COL23A1: variants seen among roughly 807,000 people sequenced by gnomAD.
COL23A1 encodes collagen type XXIII alpha 1 chain.
A neutral mutation model predicts 99.3 loss-of-function variants in COL23A1; 97 were observed. The ratio of observed to expected loss-of-function variants is 0.98; its 90% CI spans 0.83 to 1.16. The LOEUF is 1.16. COL23A1 is among the 50% of genes most tolerant of loss of function. The pLI, the probability that COL23A1 is intolerant of heterozygous loss-of-function variation, is 0.00. For synonymous variants in COL23A1, 320 were observed against 308.2 expected (o/e 1.04, Z -0.40); for missense variants, 762 against 757.4 (o/e 1.01, Z -0.07).
At chr5:178,328,234 C>CTG (rs1273212013) in intron 2 of COL23A1, among the ~76,000 whole-genome samples, 2 of 152,200 alleles carry the variant, frequency 1.3e-5, no homozygotes, top group Admixed American at 1.3e-4. Flanking sequence ...ACTGAATTTC[C>CTG]TGTTCCTCAT....
Position 178,590,113 on chromosome 5 carries a change from T to A in COL23A1, c.85A>T (p.Thr29Ser). The change falls in exon 1 of 29, where the codon ACG becomes TCG. Residue 29 changes from threonine (T) to serine (S), a missense_variant. By Grantham distance (58) the Thr-to-Ser change is moderately conservative. Coordinates refer to ENST00000390654, the MANE Select transcript of COL23A1 (RefSeq NM_173465.4). This position sits in a 1 kb window ranked among gnomAD's most constrained non-coding sequence, Gnocchi z 5.7. ...AGGGGGGRSA[T>S]TAGSRAVSAL... ...CTCACCGCCCGGGACCCGGCCGTCG[T>A]CGCCGAGCGCCCTCCGCCGCCGCCG... 8.0e-7 allele frequency: 1 copy of A among 1,252,348 alleles called. No homozygotes were observed. The highest frequency in any genetic ancestry group is 1.0e-6 in the Non-Finnish European group (1 of 1,000,154). 77.6% of individuals were successfully genotyped at this position (1,252,348 alleles called of 1,614,324 possible).
intron 2 of COL23A1, among the ~76,000 whole-genome samples, chr5:178,528,681 G>A (rs955188090): frequency 2.6e-5 from 4 of 152,296 alleles, no homozygotes; most frequent in Admixed American, 6.5e-5. Flanking sequence ...ATAGTGGCAC[G>A]TGCCTGTAAT....
chr5:178,261,633 TG>T (rs1561801479), intron 11 of COL23A1, 88 bp downstream of exon 11: 10 of 840,382 alleles, frequency 1.2e-5, no homozygotes, highest in South Asian at 2.8e-5. Context: ...TCACTAGGGG[TG>T]GGGGGAAGAG....
chr5:178,305,810 T>C (rs1341009788), intron 3 of COL23A1, among the ~76,000 whole-genome samples: 1 of 151,636 alleles, frequency 6.6e-6, no homozygotes, highest in Non-Finnish European at 1.5e-5. Context: ...GAAGAGGACA[T>C]GGGTCCGAGA....
chr5:178,384,704 C>T lies in COL23A1; in HGVS notation c.362-77785G>A, dbSNP rs1175995681. Among the ~76,000 whole-genome samples, 1 of 152,184 alleles carries T rather than the reference C, an allele frequency of 6.6e-6. No homozygotes were observed. Among genetic ancestry groups the T allele is most frequent in the Non-Finnish European group, 1.5e-5 (1 of 68,032 alleles). ...AGCCAGAAGCCTCCTGGGGGCCTCA[C>T]CCACTGAATCAGAGTGCGCGCTCAC... On this transcript the variant is annotated intron_variant, in intron 2 of 28. Coordinates refer to ENST00000390654, the MANE Select transcript of COL23A1 (RefSeq NM_173465.4). This position sits in a 1 kb window ranked among gnomAD's most constrained non-coding sequence, Gnocchi z 5.5.
In COL23A1 at chr5:178,246,449, A is replaced by G; in HGVS notation, c.1301T>C (p.Leu434Ser). Reference protein sequence around the residue: ...GLQGIQGPKGLDGAKGEKGAS... With the variant: ...GLQGIQGPKGSDGAKGEKGAS... Reference sequence around the variant, plus strand: ...ACCCTTCTCTCCCTTTGCTCCATCCAAGCCCTGGAGGCAAAGGAGGGAAAT... The same window carrying G: ...ACCCTTCTCTCCCTTTGCTCCATCCGAGCCCTGGAGGCAAAGGAGGGAAAT... Residue 434 changes from leucine (L) to serine (S), a missense_variant, in exon 23 of 29, where the codon TTG (leucine) becomes TCG (serine). Coordinates refer to ENST00000390654, the MANE Select transcript of COL23A1 (RefSeq NM_173465.4). The G allele has an allele frequency of 6.4e-7, 1 of 1,568,060 alleles. No individual in the cohort carries two copies. The highest frequency in any genetic ancestry group is 8.7e-7 in the Non-Finnish European group (1 of 1,155,472).
chr5:178,403,108 C>CAA (rs200567150), intron 2 of COL23A1, among the ~76,000 whole-genome samples: 899 of 46,590 alleles, frequency 0.019, 91 homozygotes, highest in African/African-American at 0.076. Context: ...GACTCCATCT[C>CAA]AAAAAAAAAA....
Position 178,242,360 on chromosome 5 carries a change from C to G in COL23A1, c.1475G>C (p.Arg492Pro), listed in dbSNP as rs199602948. The change falls in exon 26 of 29, where the codon CGG becomes CCG. Residue 492 changes from arginine (R) to proline (P), a missense_variant. Arg to Pro is a moderately radical substitution (Grantham distance 103). Transcript: ENST00000390654. ...CCTCACCTTCTCTCCACGCTCGCTC[C>G]GATCACCTTTCTCTCCTCGGGGTCC... ...FPGPRGEKGDRSERGEKGERG... is the reference protein window; with the variant it reads ...FPGPRGEKGDPSERGEKGERG... 1.6e-4 allele frequency: 257 copies of G among 1,614,054 alleles called. 2 individuals carry two copies. The African/African-American group carries it at 2.8e-3, about 17-fold the overall frequency.
intron 2 of COL23A1, among the ~76,000 whole-genome samples, chr5:178,471,326 CAG>C (rs1756737564): frequency 6.6e-6 from 1 of 152,200 alleles, no homozygotes; most frequent in South Asian, 2.1e-4. Context: ...ACTGAAAGCT[CAG>C]CCTCCTGGGT....
chr5:178,382,439 A>T (rs1450288871), intron 2 of COL23A1, among the ~76,000 whole-genome samples: 1 of 152,082 alleles, frequency 6.6e-6, no homozygotes, highest in African/African-American at 2.4e-5. Context: ...CCTCCTCTGG[A>T]GGCTGGGCTA....
intron 2 of COL23A1, among the ~76,000 whole-genome samples, chr5:178,358,248 G>GTATA (rs796141502): frequency 0.012 from 1,555 of 125,696 alleles, 50 homozygotes; most frequent in African/African-American, 0.038. Context: ...GTATGTGTAT[G>GTATA]TGTGTGTATG....
intron 1 of COL23A1, among the ~76,000 whole-genome samples, chr5:178,586,006 C>G (rs1225091629): frequency 1.3e-5 from 2 of 152,186 alleles, no homozygotes; most frequent in Admixed American, 6.5e-5. Context: ...GAAGACCGCT[C>G]TCTTCCCTGC....
At chr5:178,487,287 G>GTTTT (rs778127626) in intron 2 of COL23A1, among the ~76,000 whole-genome samples, 23,115 of 136,468 alleles carry the variant, frequency 0.17, 2,116 homozygotes, top group Middle Eastern at 0.24. Context: ...ACCAGCCTCA[G>GTTTT]TTTTATTTAT....
rs1758488906 is a variant in COL23A1 at position 178,308,526 on chromosome 5, CCCTCAGAACAGACAACAGCTCCT to C, written c.362-1630_362-1608del. Among the ~76,000 whole-genome samples the C allele has an allele frequency of 6.6e-6, 1 of 152,132 alleles. No homozygotes were observed. The highest frequency in any genetic ancestry group is 1.5e-5 in the Non-Finnish European group (1 of 68,026). ...AGCTGGTGAGGCTAGGACTCTGGGACCCTCAGAACAGACAACAGCTCCTCATACTGTGTGGGTTTACAGCTTAT... is the reference window on the plus strand; with the variant it reads ...AGCTGGTGAGGCTAGGACTCTGGGACCATACTGTGTGGGTTTACAGCTTAT... On this transcript the variant is annotated intron_variant, in intron 2 of 28. Coordinates refer to ENST00000390654, the MANE Select transcript of COL23A1 (RefSeq NM_173465.4). The surrounding 1 kb of genome is among the most constrained non-coding windows in gnomAD (Gnocchi z 5.1).
At chr5:178,356,273 T>C (rs1364949360) in intron 2 of COL23A1, among the ~76,000 whole-genome samples, 1 of 152,114 alleles carries the variant, frequency 6.6e-6, no homozygotes, top group African/African-American at 2.4e-5. Flanking sequence ...CTAAAGTTGA[T>C]TGTGATGCTG....
chr5:178,436,277 T>C (rs1766557537), intron 2 of COL23A1, among the ~76,000 whole-genome samples: 2 of 151,852 alleles, frequency 1.3e-5, no homozygotes, highest in African/African-American at 4.8e-5. Flanking sequence ...CTATGGACAG[T>C]GTGGGAAGTG....
Position 178,359,800 on chromosome 5 carries a change from C to G in COL23A1, c.362-52881G>C, listed in dbSNP as rs184244482. ...GAAGGGAAAGGAGGACAGACAGAAA[C>G]TCAGAAATAGCCTATTTCTAGGGAG... On this transcript the variant is annotated intron_variant, in intron 2 of 28. Coordinates refer to ENST00000390654, the MANE Select transcript of COL23A1 (RefSeq NM_173465.4). Among the ~76,000 whole-genome samples the G allele has an allele frequency of 3.5e-4, 54 of 152,316 alleles. No homozygotes were observed. In the East Asian group the frequency reaches 6.2e-3, roughly 17 times the overall value.
At chr5:178,288,538 G>T in intron 4 of COL23A1, 188 bp from the exon 5 acceptor site, 1 of 659,472 alleles carries the variant, frequency 1.5e-6, no homozygotes, top group South Asian at 1.8e-5. Flanking sequence ...GCCTCAGAGG[G>T]CCAGGCTGGA....
intron 2 of COL23A1, among the ~76,000 whole-genome samples, chr5:178,341,785 GC>G (rs1760679089): frequency 6.6e-6 from 1 of 152,140 alleles, no homozygotes; most frequent in African/African-American, 2.4e-5. Flanking sequence ...TGCTCCAGCA[GC>G]AGCCGGCACC....
Sources: gnomAD v4.1 joint callset for allele counts (sites outside exome capture counted in the v4.1 genomes callset) on GRCh38, gnomAD v4.1.1 for gene constraint, Gnocchi (gnomAD v3.1) non-coding constraint, MANE v1.5 for transcripts, NCBI Gene and HGNC (gene_info 2026-07-23, HGNC 2026-07-21) for gene names.